COL18A1: variants seen among roughly 807,000 people sequenced by gnomAD.
COL18A1 encodes the protein collagen alpha-1(XVIII) chain.
COL18A1 carries 133 observed loss-of-function variants against 168.0 expected under a neutral mutation model. The ratio of observed to expected loss-of-function variants is 0.79; its 90% confidence interval spans 0.69 to 0.91. COL18A1 has a LOEUF of 0.91. Ranked by LOEUF, COL18A1 falls within the 40% of genes least tolerant of loss-of-function variation. The pLI, the probability that COL18A1 is intolerant of heterozygous loss-of-function variation, is 0.00. For synonymous variants in COL18A1, 949 were observed against 809.0 expected (o/e 1.17, Z -2.94); for missense variants, 2,126 against 1,925.4 (o/e 1.10, Z -1.95).
Position 45,503,992 on chromosome 21 carries a change from G to A in COL18A1, c.2684-19G>A, listed in dbSNP as rs187366353. On this transcript the variant is annotated intron_variant, in intron 32 of 41. Coordinates refer to ENST00000651438, the MANE Select transcript of COL18A1 (RefSeq NM_001379500.1). ...TCAGACACCACCTCAGCGAGACCCC[G>A]CCTGTCTCTCTCTTGCAGGGCAGTT... 2.5e-3 allele frequency: 3,957 copies of A among 1,613,368 alleles called. 136 individuals are homozygous for A. The East Asian group carries it at 0.075, about 30-fold the overall frequency.
At chr21:45,445,729 C>A (rs935439273) in intron 2 of COL18A1, among the ~76,000 whole-genome samples, 1 of 151,992 alleles carries the variant, frequency 6.6e-6, no homozygotes, top group African/African-American at 2.4e-5. Flanking sequence ...TTTTGTCTTT[C>A]TTGGCGATCT....
chr21:45,415,545 T>C (rs767842289), intron 2 of COL18A1, among the ~76,000 whole-genome samples: 2 of 152,086 alleles, frequency 1.3e-5, no homozygotes, highest in East Asian at 1.9e-4. Flanking sequence ...GAGCCCCCCT[T>C]CCGGAAGATG....
chr21:45,495,193 G>T lies in COL18A1; in HGVS notation c.2434-165G>T, dbSNP rs1602554108. The T allele has an allele frequency of 4.4e-6, 3 of 687,034 alleles. No individual in the cohort carries two copies. In the East Asian group the frequency reaches 8.1e-5, roughly 19 times the overall value. 42.6% of individuals were successfully genotyped at this position (687,034 alleles called of 1,614,324 possible). On this transcript the variant is annotated intron_variant, in intron 28 of 41. Transcript: ENST00000651438. ...CACCTCCTCCCAAAAGGGTCCTTGT[G>T]CAGGAAAGGGGTGAGAAGGGCCGGG...
intron 17 of COL18A1, 96 bp downstream of exon 17, chr21:45,487,605 A>G: frequency 6.6e-7 from 1 of 1,511,812 alleles, no homozygotes; most frequent in Non-Finnish European, 9.1e-7. Flanking sequence ...CTTGCATGGG[A>G]TCGGAAGCCG....
chr21:45,508,660 G>C (rs1490644917), intron 38 of COL18A1, among the ~76,000 whole-genome samples: 2 of 152,198 alleles, frequency 1.3e-5, no homozygotes, highest in Non-Finnish European at 2.9e-5. Flanking sequence ...CAGTGTCAGG[G>C]GCTCCACAGC....
rs758189123 is a variant in COL18A1, at chr21:45,486,970, G to A, written c.1811G>A (p.Gly604Glu). Residue 604 changes from glycine to glutamate, a missense_variant, in exon 16 of 42, where the codon GGA (glycine) becomes GAA (glutamate). Transcript: ENST00000651438. The stretch of plus-strand genomic sequence containing the variant: ...CCCCCTGGGCCCCCTGGGCCCCCAG[G>A]ACCAGGACTCCCCGCTGGATTTGTG... Reference protein sequence around the residue: ...PGPPGPPGPPGPGLPAGFDDM... With the variant: ...PGPPGPPGPPEPGLPAGFDDM... The A allele has an allele frequency of 6.6e-7, 1 of 1,514,876 alleles. No individual in the cohort carries two copies. The highest frequency in any genetic ancestry group is 8.8e-7 in the Non-Finnish European group (1 of 1,137,910). 93.8% of individuals were successfully genotyped at this position (1,514,876 alleles called of 1,614,324 possible).
intron 24 of COL18A1, 131 bp from the exon 25 acceptor site, chr21:45,493,032 C>T: frequency 1.1e-6 from 1 of 946,060 alleles, no homozygotes; most frequent in Non-Finnish European, 1.7e-6. Context: ...GAGGCTGGGG[C>T]CGCGAGGGGC....
chr21:45,493,468 G>T (rs539195398), intron 25 of COL18A1, 33 bp from the exon 26 acceptor site: 3 of 1,532,508 alleles, frequency 2.0e-6, no homozygotes, highest in Non-Finnish European at 2.7e-6. Flanking sequence ...GAAGGAGCTG[G>T]CCCTGACTCT....
At chr21:45,496,727 G>A (rs1242999756) in intron 30 of COL18A1, among the ~76,000 whole-genome samples, 159 bp downstream of exon 30, 7 of 152,236 alleles carry the variant, frequency 4.6e-5, no homozygotes, top group African/African-American at 9.6e-5. Flanking sequence ...GAGTTCCCAC[G>A]GAAGGTGAAG....
chr21:45,509,835 C>T (rs979226687), intron 39 of COL18A1, among the ~76,000 whole-genome samples: 2 of 152,218 alleles, frequency 1.3e-5, no homozygotes, highest in African/African-American at 2.4e-5. Context: ...ACCGGCGTAC[C>T]TCCGCCTACA....
In COL18A1 at chr21:45,512,242, G is replaced by C. The variant is rs1248706251; in HGVS notation, c.3864G>C (p.Glu1288Asp). 3 of 1,612,578 alleles carry C rather than the reference G, an allele frequency of 1.9e-6. No individual in the cohort carries two copies. Residue 1288 changes from glutamate (E) to aspartate (D), a missense_variant, in exon 42 of 42, where the codon GAG becomes GAC. Physicochemically the swap from Glu to Asp is conservative, Grantham distance 45. Coordinates refer to ENST00000651438, the MANE Select transcript of COL18A1 (RefSeq NM_001379500.1). ...GSDPNGRRLTESYCETWRTEA... is the reference protein window; with the variant it reads ...GSDPNGRRLTDSYCETWRTEA... ...ACCCCAACGGGCGCAGGCTGACCGA[G>C]AGCTACTGTGAGACGTGGCGGACGG... is the stretch of plus-strand genomic sequence containing the variant.
At chr21:45,506,107 G>C in intron 37 of COL18A1, 141 bp downstream of exon 37, 1 of 1,338,982 alleles carries the variant, frequency 7.5e-7, no homozygotes, top group Admixed American at 1.9e-5. Flanking sequence ...TCAAACTTTT[G>C]GTAAAGTTTA....
Position 45,477,828 on chromosome 21 carries a change from C to CCGGTCTGGAGGGTGGGGGCTTGGG in COL18A1, c.1084_1085insCGGTCTGGAGGGTGGGGGCTTGGG (p.Leu362delinsProValTrpArgValGlyAlaTrpVal). On this transcript the variant is annotated protein_altering_variant, in exon 8 of 42. Transcript: ENST00000651438. ...GGCAGGCCCCCCAGGATCCCCATGC[C>CCGGTCTGGAGGGTGGGGGCTTGGG]TACCTGGTCCCCCGGGTCTCCCGTG... is the stretch of plus-strand genomic sequence containing the variant. 1 of 1,552,760 alleles carries CCGGTCTGGAGGGTGGGGGCTTGGG rather than the reference C, an allele frequency of 6.4e-7. No individual in the cohort carries two copies. Among genetic ancestry groups the CCGGTCTGGAGGGTGGGGGCTTGGG allele is most frequent in the Non-Finnish European group, 8.7e-7 (1 of 1,148,036 alleles).
chr21:45,512,472 C>T lies in COL18A1; in HGVS notation c.*74C>T, dbSNP rs1009694037. On this transcript the variant is annotated 3_prime_UTR_variant, in exon 42 of 42. Coordinates refer to ENST00000651438, the MANE Select transcript of COL18A1 (RefSeq NM_001379500.1). ...GCCCCCACCGTGGGCAGGGAGCGGC[C>T]GGCCAGCCCCTGGCCCCAGGACCTG... The T allele has an allele frequency of 1.9e-5, 27 of 1,427,520 alleles. No individual in the cohort carries two copies. Among genetic ancestry groups the T allele is most frequent in the South Asian group, 3.6e-5 (3 of 82,470 alleles). The allele number at this position is 1,427,520 out of a possible 1,614,324, so 88.4% of individuals were successfully genotyped here. A position where few individuals can be genotyped will look rare whatever the true frequency, so the allele number is the denominator to read the frequency against.
In COL18A1 at chr21:45,405,287, G is replaced by GCTGCGGGGGTC. The variant is rs1555966496; in HGVS notation, c.11+47_11+57dup. ...AGGGGTTGGGGGACGCCAAGATGCGGCTGCGGGGGTCGCGGGGGTCGCGGG... is the reference window on the plus strand; with the variant it reads ...AGGGGTTGGGGGACGCCAAGATGCGGCTGCGGGGGTCCTGCGGGGGTCGCGGGGGTCGCGGG... On this transcript the variant is annotated intron_variant, in intron 1 of 41. Coordinates refer to ENST00000651438, the MANE Select transcript of COL18A1 (RefSeq NM_001379500.1). The GCTGCGGGGGTC allele has an allele frequency of 1.4e-4, 62 of 432,136 alleles. 1 individual carries two copies. Among genetic ancestry groups the GCTGCGGGGGTC allele is most frequent in the Middle Eastern group, 1.4e-3 (2 of 1,456 alleles). 26.8% of individuals were successfully genotyped at this position (432,136 alleles called of 1,614,324 possible). A position where few individuals can be genotyped will look rare whatever the true frequency, so the allele number is the denominator to read the frequency against.
At chr21:45,487,730 A>G in intron 17 of COL18A1, 1 of 683,724 alleles carries the variant, frequency 1.5e-6, no homozygotes, top group Non-Finnish European at 2.7e-6. Flanking sequence ...CCTGGTCTGC[A>G]AAGTGGGAGA....
At chr21:45,444,612 C>G (rs1413122486) in intron 2 of COL18A1, among the ~76,000 whole-genome samples, 1 of 152,034 alleles carries the variant, frequency 6.6e-6, no homozygotes, top group Non-Finnish European at 1.5e-5. Context: ...ACGAGAGCAG[C>G]TCTGAGAGCC....
At chr21:45,432,375 T>C (rs9978015) in intron 2 of COL18A1, among the ~76,000 whole-genome samples, 41,346 of 152,084 alleles carry the variant, frequency 0.27, 7,943 homozygotes, top group African/African-American at 0.53. Flanking sequence ...TGTGGTCCAT[T>C]GATTGCCTCC....
At chr21:45,417,213 AC>A (rs1229042074) in intron 2 of COL18A1, among the ~76,000 whole-genome samples, 1 of 151,948 alleles carries the variant, frequency 6.6e-6, no homozygotes. Flanking sequence ...TCACTGCCAG[AC>A]CCTGCTGGTT....
Sources: gnomAD v4.1 joint callset for allele counts (sites outside exome capture counted in the v4.1 genomes callset) on GRCh38, gnomAD v4.1.1 for gene constraint, MANE v1.5 for transcripts, NCBI Gene and HGNC (gene_info 2026-07-23, HGNC 2026-07-21) for gene names.